PCDH9: variants seen among roughly 807,000 people sequenced by gnomAD.
The protein encoded by PCDH9 is protocadherin-9.
Under a neutral mutation model 70.6 loss-of-function variants are expected in PCDH9, and 24 were observed. That is an observed-to-expected ratio of 0.34 (90% CI 0.25 to 0.48). The LOEUF (loss-of-function observed/expected upper bound fraction) is 0.48. Among genes scored for constraint, PCDH9 ranks in the 20% least tolerant of loss-of-function variants. The pLI is 0.99. For synonymous variants in PCDH9, 562 were observed against 558.5 expected (o/e 1.01, Z -0.09); for missense variants, 1,281 against 1,503.6 (o/e 0.85, Z 2.45).
chr13:66,437,838 A>G (rs1036090212), intron 4 of PCDH9, among the ~76,000 whole-genome samples: 2 of 152,174 alleles, frequency 1.3e-5, no homozygotes, highest in East Asian at 1.9e-4. Flanking sequence ...ACTAAAAGAC[A>G]TGTACTAAAA....
At chr13:66,511,043 C>T (rs780388536) in intron 4 of PCDH9, among the ~76,000 whole-genome samples, 1 of 152,068 alleles carries the variant, frequency 6.6e-6, no homozygotes, top group Non-Finnish European at 1.5e-5. Flanking sequence ...CACAAATACA[C>T]GAGATAAATG....
intron 2 of PCDH9, among the ~76,000 whole-genome samples, chr13:67,015,478 G>A (rs1475132467): frequency 5.3e-5 from 8 of 152,068 alleles, no homozygotes; most frequent in Admixed American, 2.0e-4. Context: ...CTAGCCAGTC[G>A]CTCAACTTTG....
intron 2 of PCDH9, among the ~76,000 whole-genome samples, chr13:67,179,178 A>G (rs2088549441): frequency 6.6e-6 from 1 of 152,054 alleles, no homozygotes; most frequent in South Asian, 2.1e-4. Context: ...CGGAATTAGT[A>G]AAATTTCTGT....
chr13:66,779,418 A>G (rs576484290), intron 3 of PCDH9, among the ~76,000 whole-genome samples: 1 of 152,328 alleles, frequency 6.6e-6, no homozygotes, highest in Non-Finnish European at 1.5e-5. Context: ...AAAGAGCTAA[A>G]TCATCTCATC....
chr13:66,555,985 T>C (rs1229733253), intron 4 of PCDH9, among the ~76,000 whole-genome samples: 3 of 148,546 alleles, frequency 2.0e-5, no homozygotes, highest in Non-Finnish European at 4.5e-5. Context: ...AAAATAAATA[T>C]GCTGAAAAGT....
intron 4 of PCDH9, among the ~76,000 whole-genome samples, chr13:66,305,389 GA>G (rs564421591): frequency 2.0e-5 from 3 of 151,374 alleles, no homozygotes; most frequent in Admixed American, 6.6e-5. Flanking sequence ...AGAAATCCCA[GA>G]AAAAAACTCA....
At chr13:67,199,640 C>T (rs987538838) in intron 2 of PCDH9, among the ~76,000 whole-genome samples, 1 of 151,914 alleles carries the variant, frequency 6.6e-6, no homozygotes, top group African/African-American at 2.4e-5. Flanking sequence ...TGCTGGAAAC[C>T]ATTAAAATAG....
At chr13:66,940,726 G>A (rs2082994018) in intron 2 of PCDH9, among the ~76,000 whole-genome samples, 1 of 151,476 alleles carries the variant, frequency 6.6e-6, no homozygotes, top group Non-Finnish European at 1.5e-5. Flanking sequence ...AAATTCCAAA[G>A]TACATTATAT....
intron 2 of PCDH9, among the ~76,000 whole-genome samples, chr13:67,029,217 G>T (rs566357179): frequency 6.6e-6 from 1 of 152,210 alleles, no homozygotes; most frequent in African/African-American, 2.4e-5. Context: ...GGGGATGGTG[G>T]TATCCTACTG....
intron 2 of PCDH9, among the ~76,000 whole-genome samples, chr13:66,976,038 G>C (rs560392755): frequency 1.3e-5 from 2 of 152,028 alleles, no homozygotes; most frequent in South Asian, 4.1e-4. Flanking sequence ...GAGAAAAATA[G>C]GGCCTTCAAG....
At chr13:66,532,156 A>G (rs1411963706) in intron 4 of PCDH9, among the ~76,000 whole-genome samples, 1 of 146,966 alleles carries the variant, frequency 6.8e-6, no homozygotes, top group Non-Finnish European at 1.5e-5. Flanking sequence ...ATGTCCAGCT[A>G]TTTTTTAGTG....
intron 2 of PCDH9, 125 bp from the exon 3 acceptor site, chr13:66,903,730 A>G: frequency 2.2e-6 from 1 of 453,028 alleles, no homozygotes; most frequent in Non-Finnish European, 4.0e-6. Context: ...GTCCACACCC[A>G]GAGATACATG....
At chr13:66,749,660 CA>C (rs2139222889) in intron 3 of PCDH9, among the ~76,000 whole-genome samples, 1 of 152,180 alleles carries the variant, frequency 6.6e-6, no homozygotes, top group Admixed American at 6.5e-5. Flanking sequence ...TATTTTAAAG[CA>C]AAAATGTTCA....
At chr13:67,029,862 A>G (rs181973454) in intron 2 of PCDH9, among the ~76,000 whole-genome samples, 7 of 152,276 alleles carry the variant, frequency 4.6e-5, no homozygotes, top group Admixed American at 2.0e-4. Flanking sequence ...TTTAATAAGT[A>G]TTTTTTGAAA....
rs1164126121 is a variant in PCDH9, at chr13:66,601,158, C to G, written c.3340+30052G>C. Among the ~76,000 whole-genome samples the G allele has an allele frequency of 3.4e-5, 5 of 145,792 alleles. 1 individual carries two copies. Among genetic ancestry groups the G allele is most frequent in the Non-Finnish European group, 6.2e-5 (4 of 64,746 alleles). ...TTCACAGAGGATCCTATTCTTTAGACTATAGCTATGGGCTAGATCTAATAA... is the reference window on the plus strand; with the variant it reads ...TTCACAGAGGATCCTATTCTTTAGAGTATAGCTATGGGCTAGATCTAATAA... On this transcript the variant is annotated intron_variant, in intron 4 of 4. Coordinates refer to ENST00000377865, the MANE Select transcript of PCDH9 (RefSeq NM_203487.3).
At chr13:66,494,065 A>C (rs1000871835) in intron 4 of PCDH9, among the ~76,000 whole-genome samples, 1 of 152,130 alleles carries the variant, frequency 6.6e-6, no homozygotes, top group African/African-American at 2.4e-5. Flanking sequence ...TCAATGGGGA[A>C]ATAAATTGTA....
chr13:66,437,907 T>C (rs1220120921), intron 4 of PCDH9, among the ~76,000 whole-genome samples: 1 of 152,166 alleles, frequency 6.6e-6, no homozygotes, highest in Admixed American at 6.5e-5. Context: ...TTTCGTGATC[T>C]GGGTGCTGTT....
At chr13:66,870,829 G>C (rs1270083473) in intron 3 of PCDH9, among the ~76,000 whole-genome samples, 2 of 152,118 alleles carry the variant, frequency 1.3e-5, no homozygotes, top group Admixed American at 1.3e-4. Flanking sequence ...AGTCAGTGTG[G>C]TGATTCCTCA....
At chr13:67,025,988 C>T (rs577601288) in intron 2 of PCDH9, among the ~76,000 whole-genome samples, 1 of 152,072 alleles carries the variant, frequency 6.6e-6, no homozygotes, top group African/African-American at 2.4e-5. Context: ...TAAAAAATAA[C>T]AAACACATTA....
Sources: allele counts gnomAD v4.1 joint callset (sites outside exome capture counted in the v4.1 genomes callset), GRCh38; gene constraint gnomAD v4.1.1; transcripts MANE v1.5; gene names NCBI Gene and HGNC (gene_info 2026-07-23, HGNC 2026-07-21).